MKRN3: variants seen among roughly 807,000 people sequenced by gnomAD.
The protein encoded by MKRN3 is E3 ubiquitin-protein ligase makorin-3.
For synonymous variants in MKRN3, 301 were observed against 250.2 expected, an observed-to-expected ratio of 1.20 and a Z score of -1.91; for missense variants, 749 against 667.0, an observed-to-expected ratio of 1.12 and a Z score of -1.35.
rs368332193 is a variant in MKRN3, at chr15:23,567,321, A to G, written c.*15A>G. 5.6e-5 allele frequency: 91 copies of G among 1,611,972 alleles called. No individual in the cohort carries two copies. The African/African-American group carries it at 8.1e-4, about 14-fold the overall frequency. On this transcript the variant is annotated 3_prime_UTR_variant, in exon 1 of 1. Coordinates refer to ENST00000314520, the MANE Select transcript of MKRN3 (RefSeq NM_005664.4). Reference sequence around the variant, plus strand: ...TGATTCTGTAGCATCGTGCTGTGGCATGTGGTCTAGTCTGCTGAGGTTCTG... The same window carrying G: ...TGATTCTGTAGCATCGTGCTGTGGCGTGTGGTCTAGTCTGCTGAGGTTCTG...
Position 23,566,632 on chromosome 15 carries a change from G to A in MKRN3, c.850G>A (p.Glu284Lys). ...LHPMDAAQRE[E>K]HMRACIEAHE... is the part of the protein sequence containing the mutation. ...CCCCATGGATGCTGCCCAGAGGGAA[G>A]AACATATGAGGGCCTGCATTGAAGC... The change falls in exon 1 of 1, where the codon GAA becomes AAA. Residue 284 changes from glutamate to lysine, a missense_variant. Physicochemically the swap from Glu to Lys is moderately conservative, Grantham distance 56 (BLOSUM62 1). Transcript: ENST00000314520. 1.2e-6 allele frequency: 2 copies of A among 1,614,216 alleles called. No individual in the cohort carries two copies. Among genetic ancestry groups the A allele is most frequent in the Non-Finnish European group, 1.7e-6 (2 of 1,180,036 alleles).
Position 23,566,878 on chromosome 15 carries a change from G to A in MKRN3, c.1096G>A (p.Val366Ile), listed in dbSNP as rs1009533218. 3 of 1,614,096 alleles carry A rather than the reference G, an allele frequency of 1.9e-6. No homozygotes were observed. The highest frequency in any genetic ancestry group is 1.7e-6 in the Non-Finnish European group (2 of 1,180,054). Residue 366 changes from valine to isoleucine, a missense_variant, in exon 1 of 1, where the codon GTC (valine) becomes ATC (isoleucine). Transcript: ENST00000314520. ...CGTCAAGTCTTGCCCACAGTGCAGG[G>A]TCACCTCTGAATTGGTCATTCCCAG... ...RIVKSCPQCRVTSELVIPSEF... is the reference protein window; with the variant it reads ...RIVKSCPQCRITSELVIPSEF...
chr15:23,566,201 G>T lies in MKRN3; in HGVS notation c.419G>T (p.Gly140Val). ...GTTTCGCCGCCTGGGGCCTCTGCAG[G>T]TGGAGGCCCTAGCACGGCTGCGCAC... ...GGVSPPGASA[G>V]GGPSTAAHIE... Residue 140 changes from glycine (G) to valine (V), a missense_variant, in exon 1 of 1, where the codon GGT (glycine) becomes GTT (valine). Physicochemically the swap from Gly to Val is moderately radical, Grantham distance 109 (BLOSUM62 -3). Coordinates refer to ENST00000314520, the MANE Select transcript of MKRN3 (RefSeq NM_005664.4). The T allele has an allele frequency of 6.2e-7, 1 of 1,613,748 alleles. No homozygotes were observed. Among genetic ancestry groups the T allele is most frequent in the South Asian group, 1.1e-5 (1 of 91,080 alleles).
Position 23,565,818 on chromosome 15 carries a change from G to A in MKRN3, c.36G>A (p.Glu12=), listed in dbSNP as rs1362983612. 1.9e-6 allele frequency: 3 copies of A among 1,609,892 alleles called. No individual in the cohort carries two copies. The highest frequency in any genetic ancestry group is 1.7e-6 in the Non-Finnish European group (2 of 1,177,206). ...EEPAAPSEAH[E]AAGAQAGAEA... Reference sequence around the variant, plus strand: ...CTGCAGCTCCCTCAGAAGCCCACGAGGCAGCCGGGGCCCAGGCAGGTGCTG... The same window carrying A: ...CTGCAGCTCCCTCAGAAGCCCACGAAGCAGCCGGGGCCCAGGCAGGTGCTG... Residue 12 remains glutamate, a synonymous_variant, in exon 1 of 1, where the codon GAG becomes GAA. Transcript: ENST00000314520.
Position 23,567,137 on chromosome 15 carries a change from G to A in MKRN3, c.1355G>A (p.Gly452Glu). Residue 452 changes from glycine (G) to glutamate (E), a missense_variant, in exon 1 of 1, where the codon GGA becomes GAA. Transcript: ENST00000314520. The stretch of plus-strand genomic sequence containing the variant: ...CAACTTGTGGAGCCTGTGCGAATGG[G>A]AGAGGGCAACATGCTCTATAAAAGC... ...WHQLVEPVRMGEGNMLYKSIK... is the reference protein window; with the variant it reads ...WHQLVEPVRMEEGNMLYKSIK... The A allele has an allele frequency of 6.2e-7, 1 of 1,614,210 alleles. No individual in the cohort carries two copies. The highest frequency in any genetic ancestry group is 8.5e-7 in the Non-Finnish European group (1 of 1,180,050).
rs1166806208 is a variant in MKRN3 at position 23,566,664 on chromosome 15, G to A, written c.882G>A (p.Glu294=). Residue 294 remains glutamate (E), a synonymous_variant, in exon 1 of 1, where the codon GAG becomes GAA. Transcript: ENST00000314520. ...EHMRACIEAH[E]KDMELSFAVQ... ...TGAGGGCCTGCATTGAAGCACACGA[G>A]AAAGATATGGAACTCTCGTTTGCTG... The A allele has an allele frequency of 6.2e-7, 1 of 1,614,230 alleles. No individual in the cohort carries two copies. The highest frequency in any genetic ancestry group is 8.5e-7 in the Non-Finnish European group (1 of 1,180,052).
In MKRN3 at chr15:23,567,908, A is replaced by G. The variant is rs1889138994; in HGVS notation, c.*602A>G. ...TTGGAAATATATATTTAAGAATTAT[A>G]TATATAAAAATATATATGTATAAGA... is the stretch of plus-strand genomic sequence containing the variant. On this transcript the variant is annotated 3_prime_UTR_variant, in exon 1 of 1. Transcript: ENST00000314520. The G allele has an allele frequency of 5.3e-6, 4 of 761,666 alleles. No homozygotes were observed. In the South Asian group the frequency reaches 2.5e-4, roughly 47 times the overall value. 47.2% of individuals were successfully genotyped at this position (761,666 alleles called of 1,614,324 possible).
Position 23,566,962 on chromosome 15 carries a change from G to A in MKRN3, c.1180G>A (p.Ala394Thr). The A allele has an allele frequency of 1.2e-6, 2 of 1,614,230 alleles. No individual in the cohort carries two copies. The highest frequency in any genetic ancestry group is 1.7e-6 in the Non-Finnish European group (2 of 1,180,038). Residue 394 changes from alanine to threonine, a missense_variant, in exon 1 of 1, where the codon GCA becomes ACA. Transcript: ENST00000314520. ...GAAACTTATTCAGCAATACAAGGAG[G>A]CAATGAGCAACAAGGCCTGCAGGTA... The part of the protein sequence containing the change: ...KQKLIQQYKE[A>T]MSNKACRYFA...
chr15:23,566,577 A>G lies in MKRN3; in HGVS notation c.795A>G (p.Ile265Met), dbSNP rs141387083. ...GESCMYLHGD[I>M]CDMCGLQTLH... Reference sequence around the variant, plus strand: ...GCTGTATGTACCTCCATGGAGACATATGCGACATGTGTGGGCTGCAGACCT... The same window carrying G: ...GCTGTATGTACCTCCATGGAGACATGTGCGACATGTGTGGGCTGCAGACCT... Residue 265 changes from isoleucine to methionine, a missense_variant, in exon 1 of 1, where the codon ATA becomes ATG. Transcript: ENST00000314520. 8.9e-5 allele frequency: 144 copies of G among 1,614,184 alleles called. No individual in the cohort carries two copies. In the African/African-American group the frequency reaches 1.7e-3, roughly 19 times the overall value.
chr15:23,566,444 C>T lies in MKRN3; in HGVS notation c.662C>T (p.Pro221Leu). 6.2e-7 allele frequency: 1 copy of T among 1,614,110 alleles called. No homozygotes were observed. The highest frequency in any genetic ancestry group is 8.5e-7 in the Non-Finnish European group (1 of 1,179,988). The change falls in exon 1 of 1, where the codon CCC becomes CTC. Residue 221 changes from proline to leucine, a missense_variant. Pro to Leu is a moderately conservative substitution (Grantham distance 98). Coordinates refer to ENST00000314520, the MANE Select transcript of MKRN3 (RefSeq NM_005664.4). ...PYRGRWVASA[P>L]EAPLQSSETE... ...CGGGGCCGCTGGGTTGCATCTGCCC[C>T]CGAGGCTCCTCTACAGAGCTCAGAG...
Position 23,565,828 on chromosome 15 carries a change from G to C in MKRN3, c.46G>C (p.Ala16Pro). The C allele has an allele frequency of 6.2e-7, 1 of 1,611,860 alleles. No individual in the cohort carries two copies. The highest frequency in any genetic ancestry group is 2.2e-5 in the East Asian group (1 of 44,790). ...CTCAGAAGCCCACGAGGCAGCCGGGGCCCAGGCAGGTGCTGAGGCAGCAAG... is the reference window on the plus strand; with the variant it reads ...CTCAGAAGCCCACGAGGCAGCCGGGCCCCAGGCAGGTGCTGAGGCAGCAAG... ...APSEAHEAAG[A>P]QAGAEAAREG... Residue 16 changes from alanine (A) to proline (P), a missense_variant, in exon 1 of 1, where the codon GCC (alanine) becomes CCC (proline). By Grantham distance (27) the Ala-to-Pro change is conservative (BLOSUM62 -1). Coordinates refer to ENST00000314520, the MANE Select transcript of MKRN3 (RefSeq NM_005664.4).
Position 23,566,881 on chromosome 15 carries a change from A to G in MKRN3, c.1099A>G (p.Thr367Ala), listed in dbSNP as rs1889109078. Reference protein sequence around the residue: ...IVKSCPQCRVTSELVIPSEFW... With the variant: ...IVKSCPQCRVASELVIPSEFW... ...CAAGTCTTGCCCACAGTGCAGGGTC[A>G]CCTCTGAATTGGTCATTCCCAGTGA... Residue 367 changes from threonine to alanine, a missense_variant, in exon 1 of 1, where the codon ACC becomes GCC. Thr to Ala is a moderately conservative substitution (Grantham distance 58). Transcript: ENST00000314520. The G allele has an allele frequency of 1.9e-6, 3 of 1,614,150 alleles. No homozygotes were observed. Among genetic ancestry groups the G allele is most frequent in the East Asian group, 4.5e-5 (2 of 44,862 alleles).
In MKRN3 at chr15:23,565,681, C is replaced by T; in HGVS notation, c.-102C>T. On this transcript the variant is annotated 5_prime_UTR_variant, in exon 1 of 1. Transcript: ENST00000314520. ...GGAAGGAAAAAGAGATGCACACTTC[C>T]CCCAGAGAAGCCTCCGAGCGCGGCC... The T allele has an allele frequency of 3.3e-6, 4 of 1,207,996 alleles. No homozygotes were observed. Among genetic ancestry groups the T allele is most frequent in the Non-Finnish European group, 4.5e-6 (4 of 890,566 alleles). 74.8% of individuals were successfully genotyped at this position (1,207,996 alleles called of 1,614,324 possible).
Position 23,567,631 on chromosome 15 carries a change from A to G in MKRN3, c.*325A>G, listed in dbSNP as rs1889133816. 8.9e-7 allele frequency: 1 copy of G among 1,119,314 alleles called. No homozygotes were observed. The highest frequency in any genetic ancestry group is 4.7e-5 in the Admixed American group (1 of 21,246). The allele number at this position is 1,119,314 out of a possible 1,614,324, so 69.3% of individuals were successfully genotyped here. ...TTATTTTGAAGACCCTCAAGAGTAAATGTGGCAGAGTGAAAGGAGAAGTTT... is the reference window on the plus strand; with the variant it reads ...TTATTTTGAAGACCCTCAAGAGTAAGTGTGGCAGAGTGAAAGGAGAAGTTT... On this transcript the variant is annotated 3_prime_UTR_variant, in exon 1 of 1. Coordinates refer to ENST00000314520, the MANE Select transcript of MKRN3 (RefSeq NM_005664.4).
rs758381200 is a variant in MKRN3 at position 23,567,013 on chromosome 15, C to T, written c.1231C>T (p.Pro411Ser). 5 of 1,614,118 alleles carry T rather than the reference C, an allele frequency of 3.1e-6. No homozygotes were observed. The Admixed American group carries it at 8.3e-5, about 27-fold the overall frequency. Residue 411 changes from proline (P) to serine (S), a missense_variant, in exon 1 of 1, where the codon CCA (proline) becomes TCA (serine). Pro to Ser is a moderately conservative substitution (Grantham distance 74). Transcript: ENST00000314520. The stretch of plus-strand genomic sequence containing the variant: ...TTTTGCGGAAGGCAGGGGTAACTGC[C>T]CATTTGGAGACACATGCTTTTACAA... ...RYFAEGRGNCPFGDTCFYKHE... is the reference protein window; with the variant it reads ...RYFAEGRGNCSFGDTCFYKHE...
In MKRN3 at chr15:23,565,729, T is replaced by C. The variant is rs1889067911; in HGVS notation, c.-54T>C. 3 of 1,470,912 alleles carry C rather than the reference T, an allele frequency of 2.0e-6. No individual in the cohort carries two copies. The highest frequency in any genetic ancestry group is 2.3e-4 in the Middle Eastern group (1 of 4,280). The allele number at this position is 1,470,912 out of a possible 1,614,324, so 91.1% of individuals were successfully genotyped here. ...GCCGCCATTCCGGGCCTCAAGCCCA[T>C]AAAGAAAAAATACCGGAGAGGTTCT... On this transcript the variant is annotated 5_prime_UTR_variant, in exon 1 of 1. Transcript: ENST00000314520.
chr15:23,566,895 C>T lies in MKRN3; in HGVS notation c.1113C>T (p.Val371=), dbSNP rs138332709. The change falls in exon 1 of 1, where the codon GTC becomes GTT. Residue 371 remains valine (V), a synonymous_variant. Coordinates refer to ENST00000314520, the MANE Select transcript of MKRN3 (RefSeq NM_005664.4). ...CPQCRVTSEL[V]IPSEFWVEEE... ...AGTGCAGGGTCACCTCTGAATTGGTCATTCCCAGTGAGTTCTGGGTGGAGG... is the reference window on the plus strand; with the variant it reads ...AGTGCAGGGTCACCTCTGAATTGGTTATTCCCAGTGAGTTCTGGGTGGAGG... The T allele has an allele frequency of 2.3e-5, 37 of 1,614,110 alleles. No individual in the cohort carries two copies. Among genetic ancestry groups the T allele is most frequent in the Non-Finnish European group, 3.1e-5 (36 of 1,180,062 alleles).
Position 23,567,603 on chromosome 15 carries a change from C to CA in MKRN3, c.*298dup. On this transcript the variant is annotated 3_prime_UTR_variant, in exon 1 of 1. Transcript: ENST00000314520. ...TAGTGTAGTGTTTACTGAATTTCCA[C>CA]ACTTATTTTGAAGACCCTCAAGAGT... 8.5e-7 allele frequency: 1 copy of CA among 1,179,014 alleles called. No individual in the cohort carries two copies. The highest frequency in any genetic ancestry group is 1.1e-6 in the Non-Finnish European group (1 of 943,252). 73.0% of individuals were successfully genotyped at this position (1,179,014 alleles called of 1,614,324 possible). A position where few individuals can be genotyped will look rare whatever the true frequency, so the allele number is the denominator to read the frequency against.
Position 23,566,058 on chromosome 15 carries a change from C to T in MKRN3, c.276C>T (p.Ser92=), listed in dbSNP as rs146972191. The T allele has an allele frequency of 4.7e-4, 759 of 1,614,164 alleles. 1 individual carries two copies. The highest frequency in any genetic ancestry group is 1.2e-3 in the Middle Eastern group (7 of 6,056). Residue 92 remains serine, a synonymous_variant, in exon 1 of 1, where the codon AGC becomes AGT. Transcript: ENST00000314520. ...AWPSPLPSRS[S]GIWTKQIICR... ...CCAGTCCGTTGCCAAGCCGAAGCAG[C>T]GGCATTTGGACAAAGCAGATCATCT...
Sources: gnomAD v4.1 joint callset for allele counts on GRCh38, gnomAD v4.1.1 for gene constraint, MANE v1.5 for transcripts, NCBI Gene and HGNC (gene_info 2026-07-23, HGNC 2026-07-21) for gene names.